The following EHMT1 variants were observed in gnomAD, a reference collection of about 807,000 sequenced individuals.
EHMT1 encodes euchromatic histone lysine methyltransferase 1, also known as histone-lysine N-methyltransferase EHMT1.
A neutral mutation model predicts 147.2 loss-of-function variants in EHMT1; 15 were observed. That is an observed-to-expected ratio of 0.10 (90% CI 0.07 to 0.16). The LOEUF is 0.16. Ranked by LOEUF, EHMT1 falls within the 10% of genes least tolerant of loss-of-function variation. The pLI is 1.00. For synonymous variants in EHMT1, 795 were observed against 709.6 expected (o/e 1.12, Z -1.91); for missense variants, 1,587 against 1,772.4 (o/e 0.90, Z 1.88).
At chr9:137,774,608 C>A (rs1205729335) in intron 10 of EHMT1, among the ~76,000 whole-genome samples, 2 of 125,394 alleles carry the variant, frequency 1.6e-5, no homozygotes, top group Non-Finnish European at 3.3e-5. Flanking sequence ...CGCGCCTGGC[C>A]CCCTGGATCT....
At chr9:137,810,294 A>ATGGGTCCG (rs1954356593) in intron 18 of EHMT1, among the ~76,000 whole-genome samples, 2 of 135,456 alleles carry the variant, frequency 1.5e-5, no homozygotes, top group African/African-American at 6.2e-5. Context: ...CCTGCGTGAA[A>ATGGGTCCG]GGCGCTCCTC....
At chr9:137,723,636 GTGTC>G (rs1946311798) in intron 3 of EHMT1, among the ~76,000 whole-genome samples, 1 of 151,902 alleles carries the variant, frequency 6.6e-6, no homozygotes, top group African/African-American at 2.4e-5. Flanking sequence ...GGGTGTGCCC[GTGTC>G]TGTCTGGGCC....
chr9:137,814,542 G>T, intron 22 of EHMT1, 34 bp downstream of exon 22: 3 of 1,599,588 alleles, frequency 1.9e-6, no homozygotes, highest in Non-Finnish European at 2.5e-6. Context: ...GGCTCAGGTG[G>T]TAAGTGCCGC....
chr9:137,681,230 G>A (rs1224120201), intron 1 of EHMT1, among the ~76,000 whole-genome samples: 3 of 152,116 alleles, frequency 2.0e-5, no homozygotes, highest in South Asian at 2.1e-4. Context: ...TGTCCTGCTG[G>A]GGCAGGTGAT....
chr9:137,812,051 C>T (rs937933716), intron 19 of EHMT1, among the ~76,000 whole-genome samples: 3 of 152,136 alleles, frequency 2.0e-5, no homozygotes, highest in African/African-American at 7.2e-5. Context: ...AAACTTGAGA[C>T]CTTCAGCTGG....
intron 7 of EHMT1, 31 bp downstream of exon 7, chr9:137,752,439 G>A (rs566340735): frequency 1.9e-6 from 3 of 1,607,902 alleles, no homozygotes; most frequent in East Asian, 4.5e-5. Context: ...CTGCGTCTGT[G>A]CTGATGTAGA....
Position 137,780,353 on chromosome 9 carries a change from C to T in EHMT1, c.2275+636C>T, listed in dbSNP as rs1025147901. Among the ~76,000 whole-genome samples, 33 of 50,782 alleles carry T rather than the reference C, an allele frequency of 6.5e-4. 1 individual carries two copies. Among genetic ancestry groups the T allele is most frequent in the South Asian group, 8.4e-4 (1 of 1,194 alleles). 33.3% of individuals were successfully genotyped at this position (50,782 alleles called of 152,430 possible). On this transcript the variant is annotated intron_variant, in intron 14 of 26. Coordinates refer to ENST00000460843, the MANE Select transcript of EHMT1 (RefSeq NM_024757.5). The stretch of plus-strand genomic sequence containing the variant: ...GAGATGTGTGGTGATGACGCTGAGA[C>T]GTGTGGTGATGACGCTGAGACGTGT...
Position 137,834,958 on chromosome 9 carries a change from C to A in EHMT1, c.*5C>A, listed in dbSNP as rs774108340. On this transcript the variant is annotated 3_prime_UTR_variant, in exon 27 of 27. Transcript: ENST00000460843. ...GCTGCCGCCGACCCCCTATGAGACGCCGCCGGCCAGCGGGGCGCTCGGGAG... is the reference window on the plus strand; with the variant it reads ...GCTGCCGCCGACCCCCTATGAGACGACGCCGGCCAGCGGGGCGCTCGGGAG... 1 of 1,419,874 alleles carries A rather than the reference C, an allele frequency of 7.0e-7. No individual in the cohort carries two copies. The highest frequency in any genetic ancestry group is 9.1e-7 in the Non-Finnish European group (1 of 1,095,670). The allele number at this position is 1,419,874 out of a possible 1,614,324, so 88.0% of individuals were successfully genotyped here.
Position 137,676,908 on chromosome 9 carries a change from G to T in EHMT1, c.22-34059G>T, listed in dbSNP as rs575947756. Among the ~76,000 whole-genome samples, 5 of 151,108 alleles carry T rather than the reference G, an allele frequency of 3.3e-5. No individual in the cohort carries two copies. In the South Asian group the frequency reaches 6.3e-4, roughly 19 times the overall value. On this transcript the variant is annotated intron_variant, in intron 1 of 26. Coordinates refer to ENST00000460843, the MANE Select transcript of EHMT1 (RefSeq NM_024757.5). ...TGAGAATTTTTTTTTTTCCCTTTTT[G>T]CCCAATAAAACCTTGCTCTACTCAC... is the stretch of plus-strand genomic sequence containing the variant.
intron 1 of EHMT1, among the ~76,000 whole-genome samples, chr9:137,708,457 T>G (rs1944432865): frequency 6.6e-6 from 1 of 152,352 alleles, no homozygotes; most frequent in South Asian, 2.1e-4. Flanking sequence ...ATGCGTGATT[T>G]TGAATATTAG....
At chr9:137,620,232 G>T (rs902047806) in intron 1 of EHMT1, among the ~76,000 whole-genome samples, 3 of 152,082 alleles carry the variant, frequency 2.0e-5, no homozygotes, top group African/African-American at 7.2e-5. Flanking sequence ...AACAAAAAGC[G>T]AAATTAGAAA....
chr9:137,774,800 C>T (rs575581536), intron 10 of EHMT1, among the ~76,000 whole-genome samples: 9 of 151,602 alleles, frequency 5.9e-5, no homozygotes, highest in Non-Finnish European at 1.2e-4. Flanking sequence ...GTGGGCACGC[C>T]TGGCCCCCTG....
chr9:137,741,606 GAA>G (rs1452750395), intron 4 of EHMT1, among the ~76,000 whole-genome samples: 1 of 152,226 alleles, frequency 6.6e-6, no homozygotes, highest in Non-Finnish European at 1.5e-5. Context: ...AATCTAGTGA[GAA>G]AGTACATGTA....
intron 3 of EHMT1, among the ~76,000 whole-genome samples, chr9:137,720,608 C>T (rs759931536): frequency 6.6e-6 from 1 of 152,150 alleles, no homozygotes; most frequent in Non-Finnish European, 1.5e-5. Flanking sequence ...CGGCCTATTT[C>T]TGATTTTATA....
intron 1 of EHMT1, among the ~76,000 whole-genome samples, chr9:137,620,506 C>T (rs1320814005): frequency 6.6e-6 from 1 of 152,186 alleles, no homozygotes; most frequent in Non-Finnish European, 1.5e-5. Context: ...GCTTCGACCA[C>T]CCAGGCTCAA....
At chr9:137,645,981 CAG>C (rs1267591398) in intron 1 of EHMT1, among the ~76,000 whole-genome samples, 1 of 151,470 alleles carries the variant, frequency 6.6e-6, no homozygotes, top group Non-Finnish European at 1.5e-5. Flanking sequence ...TTTTTTGAGA[CAG>C]AGTCTTGCTC....
At position 137,621,466 on chromosome 9, in the gene EHMT1, G is replaced by A. The variant is rs1589010068; in HGVS notation, c.21+2417G>A. On this transcript the variant is annotated intron_variant, in intron 1 of 26. Coordinates refer to ENST00000460843, the MANE Select transcript of EHMT1 (RefSeq NM_024757.5). The stretch of plus-strand genomic sequence containing the variant: ...AATCCTAGCAGTTTAGGAAGCCGAG[G>A]TGGGCGGATCACTTGAGGTCAGGAG... Among the ~76,000 whole-genome samples the A allele has an allele frequency of 3.3e-5, 5 of 152,312 alleles. No individual in the cohort carries two copies. In the South Asian group the frequency reaches 1.0e-3, roughly 32 times the overall value.
At chr9:137,780,322 A>ATC (rs1457626552) in intron 14 of EHMT1, among the ~76,000 whole-genome samples, 4 of 102,840 alleles carry the variant, frequency 3.9e-5, no homozygotes, top group Admixed American at 1.0e-4. Flanking sequence ...TGATGACGGC[A>ATC]TCACTGAGAT....
At chr9:137,736,502 C>T (rs1047915431) in intron 4 of EHMT1, among the ~76,000 whole-genome samples, 6 of 152,270 alleles carry the variant, frequency 3.9e-5, no homozygotes, top group African/African-American at 1.4e-4. Context: ...CTCTGCCCAA[C>T]AGCAGCATGT....
Sources: gnomAD v4.1 joint callset for allele counts (sites outside exome capture counted in the v4.1 genomes callset) on GRCh38, gnomAD v4.1.1 for gene constraint, MANE v1.5 for transcripts, NCBI Gene and HGNC (gene_info 2026-07-23, HGNC 2026-07-21) for gene names.